The following SSH2 variants were observed in gnomAD, a reference collection of about 807,000 sequenced individuals.
SSH2 encodes the protein slingshot protein phosphatase 2, also known as protein phosphatase Slingshot homolog 2.
SSH2 carries 37 observed loss-of-function variants against 135.2 expected under a neutral mutation model. The observed-to-expected ratio is 0.27, with a 90% CI of 0.21 to 0.36. SSH2 has a LOEUF of 0.36. SSH2 is among the 10% of genes least tolerant of loss of function. The pLI is 1.00. For synonymous variants in SSH2, 628 were observed against 646.2 expected (o/e 0.97, Z 0.43); for missense variants, 1,408 against 1,765.3 (o/e 0.80, Z 3.63).
chr17:29,812,293 T>C (rs2042457761), intron 2 of SSH2, among the ~76,000 whole-genome samples: 1 of 151,572 alleles, frequency 6.6e-6, no homozygotes, highest in Non-Finnish European at 1.5e-5. Context: ...ATTTCTGCCT[T>C]TTTTTTTGAA....
chr17:29,886,712 A>C (rs1599143200), intron 1 of SSH2, among the ~76,000 whole-genome samples: 1 of 148,850 alleles, frequency 6.7e-6, no homozygotes, highest in East Asian at 2.0e-4. Context: ...ATGCCACTGC[A>C]CTCCAGCCTG....
At chr17:29,761,217 C>G in intron 3 of SSH2, 1 of 1,288,358 alleles carries the variant, frequency 7.8e-7, no homozygotes, top group Non-Finnish European at 1.0e-6. Context: ...TCGGGGCCAC[C>G]GAGGCTGCAG....
chr17:29,805,913 C>T (rs1041412985), intron 2 of SSH2, among the ~76,000 whole-genome samples: 1 of 151,294 alleles, frequency 6.6e-6, no homozygotes, highest in Non-Finnish European at 1.5e-5. Flanking sequence ...TAGAGCAGGA[C>T]TATGTTTTTA....
intron 3 of SSH2, among the ~76,000 whole-genome samples, chr17:29,707,521 GACT>G (rs923420813): frequency 9.2e-5 from 14 of 151,768 alleles, no homozygotes; most frequent in African/African-American, 2.4e-5. Context: ...TAGGCCAACA[GACT>G]ACTATTTTTT....
chr17:29,792,413 G>A (rs1369899686), intron 3 of SSH2, among the ~76,000 whole-genome samples: 5 of 152,078 alleles, frequency 3.3e-5, no homozygotes, highest in Non-Finnish European at 7.4e-5. Context: ...TGATTACGAT[G>A]CCTCTGGTAC....
At chr17:29,729,093 G>T (rs962026075) in intron 3 of SSH2, among the ~76,000 whole-genome samples, 1 of 151,968 alleles carries the variant, frequency 6.6e-6, no homozygotes, top group Admixed American at 6.6e-5. Context: ...AAACAACAAA[G>T]AGACCACCCA....
At chr17:29,885,835 C>T (rs572061940) in intron 1 of SSH2, among the ~76,000 whole-genome samples, 1 of 152,248 alleles carries the variant, frequency 6.6e-6, no homozygotes, top group South Asian at 2.1e-4. Context: ...TCTTGCCTGC[C>T]GCCATGTAAG....
chr17:29,817,279 G>T (rs1863614277), intron 2 of SSH2, among the ~76,000 whole-genome samples: 3 of 152,082 alleles, frequency 2.0e-5, no homozygotes, highest in Non-Finnish European at 4.4e-5. Context: ...ACTTCCTTAA[G>T]GCTCCCATAT....
chr17:29,757,574 A>C (rs558197508), intron 3 of SSH2, among the ~76,000 whole-genome samples: 3 of 152,070 alleles, frequency 2.0e-5, no homozygotes, highest in African/African-American at 7.2e-5. Context: ...GAAGAAGTGA[A>C]TATTATAGCA....
rs7501713 is a variant in SSH2, at chr17:29,681,204, G to A, written c.479+3359C>T. ...ACAAAAATTAGCTGGGCATGGTGGTGTGCGCCTGTAGTCCCAGCTGCTTGG... is the reference window on the plus strand; with the variant it reads ...ACAAAAATTAGCTGGGCATGGTGGTATGCGCCTGTAGTCCCAGCTGCTTGG... On this transcript the variant is annotated intron_variant, in intron 6 of 15. Transcript: ENST00000540801. Among the ~76,000 whole-genome samples, 576 of 151,462 alleles carry A rather than the reference G, an allele frequency of 3.8e-3. 4 individuals carry two copies. The highest frequency in any genetic ancestry group is 0.013 in the African/African-American group (536 of 41,266).
At chr17:29,828,154 C>T (rs962809362) in intron 2 of SSH2, among the ~76,000 whole-genome samples, 3 of 152,144 alleles carry the variant, frequency 2.0e-5, no homozygotes, top group Non-Finnish European at 4.4e-5. Context: ...ATCTGTGAAC[C>T]CTGCCATCAC....
chr17:29,647,235 C>T (rs1237937585), intron 14 of SSH2, among the ~76,000 whole-genome samples: 2 of 150,688 alleles, frequency 1.3e-5, no homozygotes, highest in Non-Finnish European at 1.5e-5. Context: ...GCACTCCAGC[C>T]TGGGTGACAG....
At chr17:29,652,816 C>T (rs374296613) in intron 12 of SSH2, among the ~76,000 whole-genome samples, 14 of 152,100 alleles carry the variant, frequency 9.2e-5, no homozygotes, top group Admixed American at 8.5e-4. Context: ...CGCCACCACT[C>T]CCACCTAATT....
chr17:29,889,487 T>G (rs1490506508), intron 1 of SSH2, among the ~76,000 whole-genome samples: 1 of 151,690 alleles, frequency 6.6e-6, no homozygotes, highest in African/African-American at 2.4e-5. Flanking sequence ...GAAGAAAACA[T>G]AGGGGTAAAT....
chr17:29,866,935 C>T (rs527705568), intron 1 of SSH2, among the ~76,000 whole-genome samples: 32 of 152,152 alleles, frequency 2.1e-4, no homozygotes, highest in African/African-American at 6.0e-4. Context: ...AGGGCTCACA[C>T]GATCCTTCCA....
chr17:29,910,474 A>G (rs2066747076), intron 1 of SSH2, among the ~76,000 whole-genome samples: 1 of 152,228 alleles, frequency 6.6e-6, no homozygotes, highest in Non-Finnish European at 1.5e-5. Context: ...TGAATTCCCA[A>G]AATAACAAAT....
At chr17:29,928,601 T>C in intron 1 of SSH2, 2 of 398,536 alleles carry the variant, frequency 5.0e-6, no homozygotes, top group Non-Finnish European at 4.4e-6. Context: ...CAACACAAGA[T>C]ATATAACCTT....
At chr17:29,887,394 T>C (rs2066258978) in intron 1 of SSH2, among the ~76,000 whole-genome samples, 1 of 152,216 alleles carries the variant, frequency 6.6e-6, no homozygotes, top group Non-Finnish European at 1.5e-5. Context: ...TCCTAGGTCC[T>C]ATTTCCTAGA....
chr17:29,735,273 T>C (rs1450062200), intron 3 of SSH2, among the ~76,000 whole-genome samples: 10 of 152,182 alleles, frequency 6.6e-5, no homozygotes, highest in Non-Finnish European at 1.2e-4. Context: ...TTTTAATAGA[T>C]AACAGCTCAC....
Sources: gnomAD v4.1 joint callset for allele counts (sites outside exome capture counted in the v4.1 genomes callset) on GRCh38, gnomAD v4.1.1 for gene constraint, MANE v1.5 for transcripts, NCBI Gene and HGNC (gene_info 2026-07-23, HGNC 2026-07-21) for gene names.